Variants in FAM168A observed in about 807,000 individuals in gnomAD.
FAM168A encodes protein FAM168A.
A neutral mutation model predicts 28.5 loss-of-function variants in FAM168A; 3 were observed. The observed-to-expected ratio is 0.11, with a 90% CI of 0.05 to 0.27. The LOEUF is 0.27. FAM168A is among the 10% of genes least tolerant of loss of function. The pLI is 1.00. For synonymous variants in FAM168A, 122 were observed against 124.2 expected, an observed-to-expected ratio of 0.98 and a Z score of 0.12; for missense variants, 222 against 311.5, an observed-to-expected ratio of 0.71 and a Z score of 2.16.
chr11:73,429,849 T>C lies in FAM168A; in HGVS notation c.151+841A>G, dbSNP rs527734524. On this transcript the variant is annotated intron_variant, in intron 3 of 7. Transcript: ENST00000356467. ...ATCATTTAATTTTTCTATTCCAGTA[T>C]GGAAGACATTCAATACTTATTGAGT... Among the ~76,000 whole-genome samples, 101 of 152,352 alleles carry C rather than the reference T, an allele frequency of 6.6e-4. No individual in the cohort carries two copies. In the Middle Eastern group the frequency reaches 0.014, roughly 21 times the overall value.
Position 73,411,376 on chromosome 11 carries a change from G to A in FAM168A, c.420+18C>T, listed in dbSNP as rs754039172. ...GGCTCCTCTACCTGCAGAAGAGGTG[G>A]CTTTGACATGTACCTACCTGGGCAT... On this transcript the variant is annotated intron_variant, in intron 5 of 7. Coordinates refer to ENST00000356467, the MANE Select transcript of FAM168A (RefSeq NM_015159.3). The A allele has an allele frequency of 1.3e-6, 2 of 1,567,166 alleles. No individual in the cohort carries two copies. Among genetic ancestry groups the A allele is most frequent in the Non-Finnish European group, 1.7e-6 (2 of 1,154,230 alleles).
At chr11:73,560,546 G>A (rs1943946192) in intron 1 of FAM168A, among the ~76,000 whole-genome samples, 1 of 152,166 alleles carries the variant, frequency 6.6e-6, no homozygotes. Context: ...AAATCTGAAA[G>A]CTAAACCTGA....
intron 1 of FAM168A, among the ~76,000 whole-genome samples, chr11:73,588,198 G>A (rs1181095701): frequency 6.6e-6 from 1 of 152,144 alleles, no homozygotes; most frequent in Non-Finnish European, 1.5e-5. Context: ...GAAAAACTAT[G>A]ATTATTCAGA....
intron 1 of FAM168A, among the ~76,000 whole-genome samples, chr11:73,486,449 A>G (rs571406086): frequency 6.6e-6 from 1 of 152,338 alleles, no homozygotes; most frequent in African/African-American, 2.4e-5. Context: ...AAGATGAATT[A>G]TACAATATTT....
At chr11:73,425,637 G>C (rs1331772961) in intron 3 of FAM168A, among the ~76,000 whole-genome samples, 1 of 152,210 alleles carries the variant, frequency 6.6e-6, no homozygotes, top group Non-Finnish European at 1.5e-5. Context: ...CTGGAATGCA[G>C]TGGTGCAATG....
At chr11:73,515,975 C>G (rs1361368786) in intron 1 of FAM168A, among the ~76,000 whole-genome samples, 1 of 152,000 alleles carries the variant, frequency 6.6e-6, no homozygotes, top group African/African-American at 2.4e-5. Context: ...GTGGCATATG[C>G]CTGTAATCCC....
At chr11:73,564,798 A>T (rs1590733242) in intron 1 of FAM168A, among the ~76,000 whole-genome samples, 1 of 151,620 alleles carries the variant, frequency 6.6e-6, no homozygotes, top group Non-Finnish European at 1.5e-5. Flanking sequence ...TAAAAGAAAC[A>T]TAATTGCAGA....
intron 1 of FAM168A, among the ~76,000 whole-genome samples, chr11:73,583,771 G>GT (rs142936483): frequency 6.6e-6 from 1 of 152,340 alleles, no homozygotes; most frequent in East Asian, 1.9e-4. Context: ...AACTTCAGGA[G>GT]TACTGGAGGT....
chr11:73,578,154 G>C (rs890285876), intron 1 of FAM168A, among the ~76,000 whole-genome samples: 4 of 152,220 alleles, frequency 2.6e-5, no homozygotes, highest in African/African-American at 9.7e-5. Context: ...CCTTTGGGAA[G>C]ATGGTAGAAT....
chr11:73,481,304 T>C (rs1356243183), intron 1 of FAM168A, among the ~76,000 whole-genome samples: 1 of 152,248 alleles, frequency 6.6e-6, no homozygotes, highest in African/African-American at 2.4e-5. Context: ...CACACTATAA[T>C]TGTATCCCAT....
At chr11:73,451,378 T>C (rs1212161225) in intron 2 of FAM168A, among the ~76,000 whole-genome samples, 1 of 152,212 alleles carries the variant, frequency 6.6e-6, no homozygotes, top group Non-Finnish European at 1.5e-5. Context: ...CTGAAAAGGC[T>C]TCGTTATTAG....
At position 73,407,658 on chromosome 11, in the gene FAM168A, A is replaced by G; in HGVS notation, c.596-15T>C. The G allele has an allele frequency of 6.2e-7, 1 of 1,603,628 alleles. No individual in the cohort carries two copies. The highest frequency in any genetic ancestry group is 8.5e-7 in the Non-Finnish European group (1 of 1,173,242). ...CAGCAGGGTACCTGAGCATCCAGAG[A>G]GAGAAGAGTAACCTGACGAGGCTGC... On this transcript the variant is annotated splice_polypyrimidine_tract_variant and intron_variant, in intron 6 of 7. Transcript: ENST00000356467.
intron 1 of FAM168A, among the ~76,000 whole-genome samples, chr11:73,540,924 T>C (rs866729633): frequency 6.6e-6 from 1 of 152,060 alleles, no homozygotes; most frequent in Admixed American, 6.6e-5. Flanking sequence ...ATTAAATTAG[T>C]CCGGGTACGG....
intron 1 of FAM168A, among the ~76,000 whole-genome samples, chr11:73,529,510 C>T (rs570477031): frequency 1.2e-3 from 188 of 152,280 alleles, no homozygotes; most frequent in Non-Finnish European, 2.3e-3. Context: ...GATGGTCACC[C>T]TTTAGGAAAG....
In FAM168A at chr11:73,570,943, A is replaced by T. The variant is rs988831501; in HGVS notation, c.-19+26980T>A. ...GTTCATACTAGCAGACCAAGAACAG[A>T]GAAGAAAGATGCCTAAGTATGTTCT... is the stretch of plus-strand genomic sequence containing the variant. On this transcript the variant is annotated intron_variant, in intron 1 of 7. Coordinates refer to ENST00000356467, the MANE Select transcript of FAM168A (RefSeq NM_015159.3). 2.0e-5 allele frequency among the ~76,000 whole-genome samples: 3 copies of T among 152,156 alleles called. 1 individual carries two copies. Among genetic ancestry groups the T allele is most frequent in the Non-Finnish European group, 2.9e-5 (2 of 68,028 alleles).
chr11:73,450,295 T>C (rs1293510613), intron 2 of FAM168A, among the ~76,000 whole-genome samples: 1 of 152,184 alleles, frequency 6.6e-6, no homozygotes. Context: ...GCTCACAAAA[T>C]TGGGAGAGAA....
chr11:73,462,962 T>A (rs940202762), intron 2 of FAM168A, among the ~76,000 whole-genome samples: 1 of 151,818 alleles, frequency 6.6e-6, no homozygotes, highest in African/African-American at 2.4e-5. Context: ...TAGCAAATTT[T>A]AAAAAAATTA....
chr11:73,530,120 A>G (rs1943498434), intron 1 of FAM168A, among the ~76,000 whole-genome samples: 1 of 152,140 alleles, frequency 6.6e-6, no homozygotes, highest in African/African-American at 2.4e-5. Flanking sequence ...TTTTAGTGCC[A>G]AAGTCACTTC....
intron 1 of FAM168A, among the ~76,000 whole-genome samples, chr11:73,551,712 T>C (rs1242960658): frequency 2.0e-5 from 3 of 152,240 alleles, no homozygotes. Context: ...AGAAAAAGAT[T>C]AGAAAATTCT....
Sources: gnomAD v4.1 joint callset for allele counts (sites outside exome capture counted in the v4.1 genomes callset) on GRCh38, gnomAD v4.1.1 for gene constraint, MANE v1.5 for transcripts, NCBI Gene and HGNC (gene_info 2026-07-23, HGNC 2026-07-21) for gene names.